CNTN6: variants seen among roughly 807,000 people sequenced by gnomAD.
CNTN6 encodes contactin-6.
Under a neutral mutation model 122.8 loss-of-function variants are expected in CNTN6, and 137 were observed. That is an observed-to-expected ratio of 1.12 (90% CI 0.97 to 1.29). CNTN6 has a LOEUF of 1.29. Among genes scored for constraint, CNTN6 ranks in the 50% most tolerant of loss-of-function variants. The pLI, the probability that CNTN6 is intolerant of heterozygous loss-of-function variation, is 0.00. For missense variants in CNTN6, 1,634 were observed against 1,223.4 expected, an observed-to-expected ratio of 1.34 and a Z score of -5.01; for synonymous variants, 570 against 426.0, an observed-to-expected ratio of 1.34 and a Z score of -4.16.
intron 4 of CNTN6, among the ~76,000 whole-genome samples, chr3:1,260,858 C>A (rs1389805448): frequency 2.0e-5 from 3 of 152,066 alleles, no homozygotes; most frequent in East Asian, 3.9e-4. Context: ...GAGGCCTCCC[C>A]AGACATGCTG....
At chr3:1,129,290 C>G (rs1574952575) in intron 1 of CNTN6, among the ~76,000 whole-genome samples, 1 of 152,028 alleles carries the variant, frequency 6.6e-6, no homozygotes, top group Admixed American at 6.6e-5. Context: ...AGGGCTCCAC[C>G]TTCCCTTTTT....
chr3:1,266,485 T>A (rs1015544833), intron 4 of CNTN6, among the ~76,000 whole-genome samples: 2 of 152,192 alleles, frequency 1.3e-5, no homozygotes, highest in Admixed American at 6.5e-5. Flanking sequence ...TTTAAAAAAA[T>A]GTTCTTGCTT....
At chr3:1,300,347 C>T (rs1696992835) in intron 7 of CNTN6, among the ~76,000 whole-genome samples, 1 of 151,782 alleles carries the variant, frequency 6.6e-6, no homozygotes, top group South Asian at 2.1e-4. Flanking sequence ...GAGTAGGTGT[C>T]TCAGAGGGGG....
At chr3:1,172,299 G>A (rs1450368588) in intron 2 of CNTN6, among the ~76,000 whole-genome samples, 1 of 151,938 alleles carries the variant, frequency 6.6e-6, no homozygotes, top group Non-Finnish European at 1.5e-5. Context: ...GATGCTACTG[G>A]TGATAAAGAA....
chr3:1,339,028 A>C (rs1451947693), intron 11 of CNTN6, among the ~76,000 whole-genome samples: 1 of 152,122 alleles, frequency 6.6e-6, no homozygotes, highest in East Asian at 1.9e-4. Flanking sequence ...GTCTCATTAA[A>C]ACCTTCCAAA....
chr3:1,390,337 A>G (rs1286148255), intron 20 of CNTN6, among the ~76,000 whole-genome samples: 1 of 152,024 alleles, frequency 6.6e-6, no homozygotes, highest in African/African-American at 2.4e-5. Flanking sequence ...ATGAAGGCAG[A>G]AATAAAGATG....
rs762682902 is a variant in CNTN6 at position 1,227,871 on chromosome 3, T to C, written c.236T>C (p.Leu79Ser). ...TTTACTATGAGTTATCACTACAGGT[T>C]GGATGGAGGCAGTCTTGCAATCAAT... ...IDFTMSYHYR[L>S]DGGSLAINSP... The change falls in exon 4 of 23, where the codon TTG becomes TCG. Residue 79 changes from leucine to serine, a missense_variant. By Grantham distance (145) the Leu-to-Ser change is moderately radical. Transcript: ENST00000446702. 6.2e-7 allele frequency: 1 copy of C among 1,614,054 alleles called. No homozygotes were observed. Among genetic ancestry groups the C allele is most frequent in the East Asian group, 2.2e-5 (1 of 44,850 alleles).
At chr3:1,273,269 A>C (rs1285364035) in intron 4 of CNTN6, among the ~76,000 whole-genome samples, 1 of 152,176 alleles carries the variant, frequency 6.6e-6, no homozygotes, top group Non-Finnish European at 1.5e-5. Flanking sequence ...ATATCTCCAA[A>C]TATTATAGAA....
At chr3:1,138,919 A>G (rs528494121) in intron 1 of CNTN6, among the ~76,000 whole-genome samples, 7 of 152,050 alleles carry the variant, frequency 4.6e-5, no homozygotes, top group African/African-American at 1.4e-4. Flanking sequence ...GATTTCTGCT[A>G]TCTGATATAC....
chr3:1,305,001 A>AAAC (rs1355781661), intron 7 of CNTN6, among the ~76,000 whole-genome samples: 3 of 151,708 alleles, frequency 2.0e-5, no homozygotes, highest in East Asian at 1.9e-4. Flanking sequence ...AAAAAAAAAA[A>AAAC]AAACAAAATT....
intron 21 of CNTN6, among the ~76,000 whole-genome samples, chr3:1,402,112 T>G (rs1695786852): frequency 6.7e-6 from 1 of 148,724 alleles, no homozygotes; most frequent in African/African-American, 2.5e-5. Context: ...CTACTCTCCT[T>G]CCAGAGGCAT....
chr3:1,252,882 G>C (rs1422959851), intron 4 of CNTN6, among the ~76,000 whole-genome samples: 1 of 152,106 alleles, frequency 6.6e-6, no homozygotes, highest in Admixed American at 6.5e-5. Context: ...GGTTGGATTT[G>C]ACTCAACCCA....
intron 2 of CNTN6, among the ~76,000 whole-genome samples, chr3:1,203,832 A>G (rs1014942262): frequency 4.6e-5 from 7 of 152,110 alleles, no homozygotes; most frequent in Non-Finnish European, 7.4e-5. Context: ...ACTCCCCCCT[A>G]TGAGATGGTG....
intron 20 of CNTN6, among the ~76,000 whole-genome samples, chr3:1,393,412 T>TG (rs750078613): frequency 0.04 from 2,805 of 69,770 alleles, 41 homozygotes; most frequent in Admixed American, 0.054. Flanking sequence ...TGTGGTGAGG[T>TG]GGGGGGAGGG....
At chr3:1,246,574 G>A (rs2094585677) in intron 4 of CNTN6, among the ~76,000 whole-genome samples, 1 of 152,064 alleles carries the variant, frequency 6.6e-6, no homozygotes, top group South Asian at 2.1e-4. Context: ...GGGAAATTGG[G>A]CATGCATATG....
rs531951665 is a variant in CNTN6 at position 1,093,232 on chromosome 3, G to A, written c.-83+112G>A. The A allele has an allele frequency of 4.9e-4, 88 of 178,194 alleles. 2 individuals are homozygous for A. In the Middle Eastern group the frequency reaches 0.011, roughly 22 times the overall value. The allele number at this position is 178,194 out of a possible 1,614,324, so 11.0% of individuals were successfully genotyped here. A position where few individuals can be genotyped will look rare whatever the true frequency, so the allele number is the denominator to read the frequency against. ...CTTTGTATTAGCATAACAGGTAAAA[G>A]CTGGGGTTGGGGGAGAAGTCACTGC... On this transcript the variant is annotated intron_variant, in intron 1 of 22. Transcript: ENST00000446702.
chr3:1,222,478 C>T (rs1019177442), intron 3 of CNTN6, among the ~76,000 whole-genome samples: 14 of 152,090 alleles, frequency 9.2e-5, no homozygotes, highest in African/African-American at 3.1e-4. Context: ...ACATAAATTA[C>T]ATATTTATAT....
intron 7 of CNTN6, among the ~76,000 whole-genome samples, chr3:1,320,055 A>G (rs1700637720): frequency 6.6e-6 from 1 of 151,638 alleles, no homozygotes; most frequent in Admixed American, 6.6e-5. Flanking sequence ...CATAAAATGA[A>G]TGAAAAAGAA....
chr3:1,275,197 T>C (rs966160782), intron 4 of CNTN6, among the ~76,000 whole-genome samples: 5 of 152,214 alleles, frequency 3.3e-5, no homozygotes, highest in Non-Finnish European at 7.3e-5. Flanking sequence ...TACTTGATCA[T>C]TGATTTCAGC....
Sources: allele counts gnomAD v4.1 joint callset (sites outside exome capture counted in the v4.1 genomes callset), GRCh38; gene constraint gnomAD v4.1.1; transcripts MANE v1.5; gene names NCBI Gene and HGNC (gene_info 2026-07-23, HGNC 2026-07-21).